SCYL2: variants seen among roughly 807,000 people sequenced by gnomAD.
SCYL2 encodes the protein SCY1-like protein 2.
Under a neutral mutation model 100.4 loss-of-function variants are expected in SCYL2, and 36 were observed. The ratio of observed to expected loss-of-function variants is 0.36; its 90% CI spans 0.27 to 0.47. SCYL2 has a LOEUF of 0.47. Among genes scored for constraint, SCYL2 ranks in the 20% least tolerant of loss-of-function variants. SCYL2 has a pLI of 1.00. For synonymous variants in SCYL2, 330 were observed against 359.2 expected, an observed-to-expected ratio of 0.92 and a Z score of 0.92; for missense variants, 902 against 1,083.9, an observed-to-expected ratio of 0.83 and a Z score of 2.36.
At chr12:100,310,208 A>G (rs1271462626) in intron 4 of SCYL2, among the ~76,000 whole-genome samples, 1 of 152,158 alleles carries the variant, frequency 6.6e-6, no homozygotes, top group Non-Finnish European at 1.5e-5. Context: ...CATGTTGGCT[A>G]GGCTGGTCTC....
rs1485493287 is a variant in SCYL2 at position 100,294,173 on chromosome 12, C to T, written c.335+2513C>T. ...GGGCGGGGGGCTGACTCCCCCACCTCCCTCCCGGAAGGGGTGGCTGGCCAG... is the reference window on the plus strand; with the variant it reads ...GGGCGGGGGGCTGACTCCCCCACCTTCCTCCCGGAAGGGGTGGCTGGCCAG... On this transcript the variant is annotated intron_variant, in intron 3 of 17. Coordinates refer to ENST00000360820, the MANE Select transcript of SCYL2 (RefSeq NM_017988.6). 5.5e-5 allele frequency among the ~76,000 whole-genome samples: 8 copies of T among 144,764 alleles called. No homozygotes were observed. In the East Asian group the frequency reaches 1.3e-3, roughly 23 times the overall value. 95.0% of individuals were successfully genotyped at this position (144,764 alleles called of 152,430 possible).
chr12:100,314,016 G>T (rs552526406), intron 7 of SCYL2, among the ~76,000 whole-genome samples: 2 of 152,082 alleles, frequency 1.3e-5, no homozygotes, highest in African/African-American at 4.8e-5. Context: ...AAGTAATTGG[G>T]ATTACAGGCC....
chr12:100,337,016 T>A (rs1053825788), intron 16 of SCYL2, among the ~76,000 whole-genome samples: 1 of 152,176 alleles, frequency 6.6e-6, no homozygotes, highest in Admixed American at 6.6e-5. Context: ...TCATTCATTC[T>A]TTGCTTTTTG....
At chr12:100,314,368 G>A in intron 7 of SCYL2, 121 bp from the exon 8 acceptor site, 1 of 644,422 alleles carries the variant, frequency 1.6e-6, no homozygotes, top group Non-Finnish European at 2.6e-6. Flanking sequence ...TTTCTAAGGT[G>A]ATCTTCAGCA....
At chr12:100,300,141 T>G (rs2096325802) in intron 4 of SCYL2, among the ~76,000 whole-genome samples, 1 of 152,222 alleles carries the variant, frequency 6.6e-6, no homozygotes, top group African/African-American at 2.4e-5. Flanking sequence ...ATATGCTTCT[T>G]TGCCATCTGA....
Position 100,314,520 on chromosome 12 carries a change from C to T in SCYL2, c.1001C>T (p.Thr334Ile), listed in dbSNP as rs762434775. ...IPFFDDVGAV[T>I]LQYFDTLFQR... is the part of the protein sequence containing the mutation. ...TTCTTTGATGATGTTGGTGCAGTAACACTGCAATATTTTGATACCTTATTC... is the reference window on the plus strand; with the variant it reads ...TTCTTTGATGATGTTGGTGCAGTAATACTGCAATATTTTGATACCTTATTC... Residue 334 changes from threonine to isoleucine, a missense_variant, in exon 8 of 18, where the codon ACA becomes ATA. By Grantham distance (89) the Thr-to-Ile change is moderately conservative. Coordinates refer to ENST00000360820, the MANE Select transcript of SCYL2 (RefSeq NM_017988.6). 6.3e-7 allele frequency: 1 copy of T among 1,581,972 alleles called. No homozygotes were observed. The highest frequency in any genetic ancestry group is 1.4e-5 in the African/African-American group (1 of 73,728).
intron 3 of SCYL2, among the ~76,000 whole-genome samples, chr12:100,294,117 G>A (rs1381851765): frequency 2.3e-5 from 3 of 132,350 alleles, no homozygotes; most frequent in East Asian, 2.1e-4. Flanking sequence ...GGGCAGAGGC[G>A]CCCCTCACCT....
rs537727176 is a variant in SCYL2, at chr12:100,304,120, G to T, written c.480+5945G>T. ...ACGCCTCTCCCCTCACTGAGCTCGA[G>T]TGTCCCAGGTTGATTTCAGACTGCT... On this transcript the variant is annotated intron_variant, in intron 4 of 17. Coordinates refer to ENST00000360820, the MANE Select transcript of SCYL2 (RefSeq NM_017988.6). Among the ~76,000 whole-genome samples the T allele has an allele frequency of 7.9e-5, 12 of 152,298 alleles. No individual in the cohort carries two copies. In the South Asian group the frequency reaches 2.5e-3, roughly 32 times the overall value.
In SCYL2 at chr12:100,325,468, G is replaced by A. The variant is rs572794487; in HGVS notation, c.1510-1154G>A. Reference sequence around the variant, plus strand: ...TATGTCACCTTTTAAGTGGATTTTAGATAGTACTTTCAGTGCTTCTGCCTA... The same window carrying A: ...TATGTCACCTTTTAAGTGGATTTTAAATAGTACTTTCAGTGCTTCTGCCTA... On this transcript the variant is annotated intron_variant, in intron 11 of 17. Coordinates refer to ENST00000360820, the MANE Select transcript of SCYL2 (RefSeq NM_017988.6). Among the ~76,000 whole-genome samples the A allele has an allele frequency of 4.3e-4, 66 of 152,286 alleles. 2 individuals carry two copies. In the South Asian group the frequency reaches 0.013, roughly 31 times the overall value.
intron 1 of SCYL2, among the ~76,000 whole-genome samples, chr12:100,273,374 G>A (rs2096289487): frequency 6.6e-6 from 1 of 152,048 alleles, no homozygotes; most frequent in South Asian, 2.1e-4. Context: ...TGTATATTCT[G>A]TAGCGTTTTA....
intron 2 of SCYL2, among the ~76,000 whole-genome samples, chr12:100,285,490 T>A (rs2096303542): frequency 6.6e-6 from 1 of 152,174 alleles, no homozygotes; most frequent in African/African-American, 2.4e-5. Context: ...GCCAAATAAT[T>A]TTTCCGGTGT....
At chr12:100,269,789 C>T (rs761307330) in intron 1 of SCYL2, among the ~76,000 whole-genome samples, 2 of 152,106 alleles carry the variant, frequency 1.3e-5, no homozygotes, top group African/African-American at 2.4e-5. Flanking sequence ...GAATCACTTA[C>T]GGAGCTTTCT....
intron 6 of SCYL2, 107 bp from the exon 7 acceptor site, chr12:100,313,311 TAGTC>T (rs1403417413): frequency 4.2e-6 from 2 of 471,514 alleles, no homozygotes; most frequent in Non-Finnish European, 7.6e-6. Context: ...GTTTAAAATG[TAGTC>T]AGTATATTTG....
At chr12:100,296,081 CTG>C (rs1370187868) in intron 3 of SCYL2, among the ~76,000 whole-genome samples, 1 of 152,224 alleles carries the variant, frequency 6.6e-6, no homozygotes, top group African/African-American at 2.4e-5. Context: ...TTATACTTTT[CTG>C]TGTCCCTGCA....
intron 10 of SCYL2, among the ~76,000 whole-genome samples, chr12:100,320,563 A>AATAAATAG (rs1356781682): frequency 6.8e-6 from 1 of 146,474 alleles, no homozygotes; most frequent in African/African-American, 2.6e-5. Flanking sequence ...TAAATAAATA[A>AATAAATAG]ATAAATAAAT....
At chr12:100,295,359 G>T (rs1474928412) in intron 3 of SCYL2, among the ~76,000 whole-genome samples, 1 of 152,228 alleles carries the variant, frequency 6.6e-6, no homozygotes, top group Non-Finnish European at 1.5e-5. Flanking sequence ...CTGGGAGGTA[G>T]AGGTTGTAGC....
At chr12:100,288,491 T>C (rs1173161424) in intron 2 of SCYL2, among the ~76,000 whole-genome samples, 1 of 152,076 alleles carries the variant, frequency 6.6e-6, no homozygotes, top group African/African-American at 2.4e-5. Flanking sequence ...CCTCTTTACT[T>C]GTGGTGAAAC....
chr12:100,271,669 A>G (rs2096287850), intron 1 of SCYL2, among the ~76,000 whole-genome samples: 2 of 152,212 alleles, frequency 1.3e-5, no homozygotes, highest in South Asian at 4.1e-4. Context: ...AAGTTATTAA[A>G]TGTAACTTCA....
chr12:100,328,171 G>T (rs552370411), intron 12 of SCYL2, among the ~76,000 whole-genome samples: 1 of 152,180 alleles, frequency 6.6e-6, no homozygotes, highest in South Asian at 2.1e-4. Context: ...CCAGCTACTT[G>T]GGAGTCTGAG....
Sources: gnomAD v4.1 joint callset for allele counts (sites outside exome capture counted in the v4.1 genomes callset) on GRCh38, gnomAD v4.1.1 for gene constraint, MANE v1.5 for transcripts, NCBI Gene and HGNC (gene_info 2026-07-23, HGNC 2026-07-21) for gene names.